The following NAALADL2 variants were observed in gnomAD, a reference collection of about 807,000 sequenced individuals.
The protein encoded by NAALADL2 is N-acetylated alpha-linked acidic dipeptidase like 2, also known as inactive N-acetylated-alpha-linked acidic dipeptidase-like protein 2.
Under a neutral mutation model 87.2 loss-of-function variants are expected in NAALADL2, and 76 were observed. The ratio of observed to expected loss-of-function variants is 0.87; its 90% CI spans 0.72 to 1.05. The LOEUF (loss-of-function observed/expected upper bound fraction) is 1.05. Among genes scored for constraint, NAALADL2 ranks in the 50% least tolerant of loss-of-function variants. The pLI is 0.00. For synonymous variants in NAALADL2, 354 were observed against 331.0 expected (o/e 1.07, Z -0.75); for missense variants, 1,089 against 945.8 (o/e 1.15, Z -1.99).
At chr3:175,163,477 A>G (rs1733538491) in intron 2 of NAALADL2, among the ~76,000 whole-genome samples, 1 of 151,908 alleles carries the variant, frequency 6.6e-6, no homozygotes, top group African/African-American at 2.4e-5. Flanking sequence ...AAATTGGTAT[A>G]GCCAAGCAGA....
At chr3:175,411,610 TAG>T (rs761216214) in intron 5 of NAALADL2, among the ~76,000 whole-genome samples, 1 of 152,068 alleles carries the variant, frequency 6.6e-6, no homozygotes, top group Non-Finnish European at 1.5e-5. Flanking sequence ...CTTGTAATCA[TAG>T]AGAGTGATTC....
intron 1 of NAALADL2, among the ~76,000 whole-genome samples, chr3:174,464,492 T>G (rs552678063): frequency 6.6e-6 from 1 of 151,800 alleles, no homozygotes; most frequent in African/African-American, 2.4e-5. Flanking sequence ...CTAAATAAAA[T>G]AGAAACTTAT....
At chr3:175,312,797 G>A (rs1758550807) in intron 4 of NAALADL2, among the ~76,000 whole-genome samples, 1 of 152,118 alleles carries the variant, frequency 6.6e-6, no homozygotes, top group Non-Finnish European at 1.5e-5. Flanking sequence ...CAACAAATAA[G>A]AGATAGTGCC....
chr3:175,462,553 T>C (rs1285657227), intron 6 of NAALADL2, among the ~76,000 whole-genome samples: 1 of 152,206 alleles, frequency 6.6e-6, no homozygotes, highest in African/African-American at 2.4e-5. Context: ...TTACCTGCTT[T>C]CAAATGTGCC....
At chr3:174,956,068 A>G (rs764653103) in intron 1 of NAALADL2, among the ~76,000 whole-genome samples, 1 of 152,054 alleles carries the variant, frequency 6.6e-6, no homozygotes, top group Non-Finnish European at 1.5e-5. Flanking sequence ...GGAAAACAAA[A>G]ACACTAGGTT....
chr3:175,248,855 A>G (rs1748489728), intron 3 of NAALADL2, among the ~76,000 whole-genome samples: 1 of 152,148 alleles, frequency 6.6e-6, no homozygotes, highest in Non-Finnish European at 1.5e-5. Context: ...TAGGAAGCCT[A>G]GTTGTTTTGT....
chr3:174,997,063 T>A (rs867381160), intron 1 of NAALADL2, among the ~76,000 whole-genome samples: 60 of 148,398 alleles, frequency 4.0e-4, no homozygotes, highest in African/African-American at 1.2e-3. Flanking sequence ...TATATATTTT[T>A]TTTTTTAATC....
At chr3:174,871,217 G>A (rs1005764885) in intron 1 of NAALADL2, among the ~76,000 whole-genome samples, 2 of 152,070 alleles carry the variant, frequency 1.3e-5, no homozygotes, top group Non-Finnish European at 2.9e-5. Flanking sequence ...TTCCTCTTCA[G>A]TGTTTCTAAC....
intron 3 of NAALADL2, among the ~76,000 whole-genome samples, chr3:175,247,573 C>G (rs1452517142): frequency 3.7e-5 from 2 of 54,394 alleles, no homozygotes; most frequent in Non-Finnish European, 8.4e-5. Context: ...ACAACTCCAG[C>G]TAGTCGCTGG....
At chr3:175,550,625 G>A (rs972081908) in intron 9 of NAALADL2, among the ~76,000 whole-genome samples, 4 of 152,108 alleles carry the variant, frequency 2.6e-5, no homozygotes, top group African/African-American at 9.7e-5. Flanking sequence ...CTTGAGGAAG[G>A]TCTTAATATT....
intron 1 of NAALADL2, among the ~76,000 whole-genome samples, chr3:175,071,179 T>C (rs1210758048): frequency 2.0e-5 from 3 of 152,120 alleles, no homozygotes; most frequent in African/African-American, 7.2e-5. Flanking sequence ...TCTCCTAAAG[T>C]TCTCAGTCAA....
chr3:175,173,659 A>G (rs1735221271), intron 2 of NAALADL2, among the ~76,000 whole-genome samples: 1 of 152,250 alleles, frequency 6.6e-6, no homozygotes, highest in Admixed American at 6.5e-5. Flanking sequence ...GTTGAAAAAG[A>G]AAGTTAGTAA....
At chr3:174,752,500 CTTAAA>C (rs1560195686) in intron 3 of NAALADL2, among the ~76,000 whole-genome samples, 1 of 151,816 alleles carries the variant, frequency 6.6e-6, no homozygotes, top group Non-Finnish European at 1.5e-5. Flanking sequence ...GATTATTACT[CTTAAA>C]TTAACTCTGT....
At chr3:175,715,243 C>A (rs1582990257) in intron 11 of NAALADL2, among the ~76,000 whole-genome samples, 1 of 152,138 alleles carries the variant, frequency 6.6e-6, no homozygotes, top group South Asian at 2.1e-4. Context: ...AAACTGGCTG[C>A]TACACCATTG....
At chr3:175,648,724 A>T (rs952957066) in intron 11 of NAALADL2, among the ~76,000 whole-genome samples, 2 of 152,132 alleles carry the variant, frequency 1.3e-5, no homozygotes, top group Non-Finnish European at 2.9e-5. Context: ...TTCTATTTTT[A>T]AAATATTATT....
chr3:175,205,957 T>A (rs1266109277), intron 2 of NAALADL2, among the ~76,000 whole-genome samples: 1 of 151,576 alleles, frequency 6.6e-6, no homozygotes, highest in Non-Finnish European at 1.5e-5. Context: ...TAAATGTTGG[T>A]GAGGATACAG....
intron 11 of NAALADL2, among the ~76,000 whole-genome samples, chr3:175,736,642 C>A (rs1008053764): frequency 3.9e-5 from 6 of 152,204 alleles, no homozygotes; most frequent in Non-Finnish European, 8.8e-5. Context: ...ACATGCAAGA[C>A]AATTGGCAAA....
intron 5 of NAALADL2, among the ~76,000 whole-genome samples, chr3:175,429,062 C>T (rs915267248): frequency 9.2e-5 from 14 of 151,624 alleles, no homozygotes; most frequent in African/African-American, 3.1e-4. Context: ...AGTAGTTCTG[C>T]AGGGAGTAAA....
At chr3:174,858,963 T>A (rs1344225221), upstream of NAALADL2, among the ~76,000 whole-genome samples, 2 of 152,076 alleles carry the variant, frequency 1.3e-5, no homozygotes, top group Admixed American at 6.6e-5. Flanking sequence ...TCCCTATGGT[T>A]TAAAAAATAA....
Sources: gnomAD v4.1 joint callset for allele counts (sites outside exome capture counted in the v4.1 genomes callset) on GRCh38, gnomAD v4.1.1 for gene constraint, MANE v1.5 for transcripts, NCBI Gene and HGNC (gene_info 2026-07-23, HGNC 2026-07-21) for gene names.